Variants in PAM observed in about 807,000 individuals in gnomAD.
PAM encodes the protein peptidyl-glycine alpha-amidating monooxygenase.
A neutral mutation model predicts 122.1 loss-of-function variants in PAM; 72 were observed. The ratio of observed to expected loss-of-function variants is 0.59; its 90% CI spans 0.49 to 0.72. The LOEUF is 0.72. PAM is among the 30% of genes least tolerant of loss of function. The probability of loss-of-function intolerance (pLI) is 0.00; values close to 1 mark genes in which losing one functional copy is unlikely to be tolerated. For synonymous variants in PAM, 389 were observed against 404.4 expected (o/e 0.96, Z 0.46); for missense variants, 1,106 against 1,183.7 (o/e 0.93, Z 0.96).
chr5:102,779,923 A>ACACACACG (rs1758258484), intron 1 of PAM, among the ~76,000 whole-genome samples: 1 of 138,998 alleles, frequency 7.2e-6, no homozygotes, highest in Non-Finnish European at 1.6e-5. Flanking sequence ...ATATATACAC[A>ACACACACG]CATATATATA....
rs773893607 is a variant in PAM, at chr5:102,974,100, TCTC to T, written c.1163-15_1163-13del. 6 of 1,598,202 alleles carry T rather than the reference TCTC, an allele frequency of 3.8e-6. No individual in the cohort carries two copies. In the African/African-American group the frequency reaches 8.1e-5, roughly 21 times the overall value. On this transcript the variant is annotated splice_polypyrimidine_tract_variant and intron_variant, in intron 14 of 25. Transcript: ENST00000438793. The stretch of plus-strand genomic sequence containing the variant: ...ATCTACCCTCCACGCCCTTATCTCT[TCTC>T]TTTTTTCCACAGGTGATTTCTATTC...
At chr5:102,950,144 G>T (rs1460016858) in intron 11 of PAM, among the ~76,000 whole-genome samples, 166 bp downstream of exon 11, 1 of 152,012 alleles carries the variant, frequency 6.6e-6, no homozygotes, top group African/African-American at 2.4e-5. Flanking sequence ...CCAATTTGTT[G>T]CTTTCTTTGT....
intron 1 of PAM, among the ~76,000 whole-genome samples, chr5:102,760,474 A>G (rs894810351): frequency 1.3e-5 from 2 of 152,232 alleles, no homozygotes; most frequent in African/African-American, 2.4e-5. Flanking sequence ...CACTAGCCAC[A>G]TTGTCTGTTT....
At chr5:103,012,855 C>CAAAA (rs777801743) in intron 21 of PAM, among the ~76,000 whole-genome samples, 9 of 100,518 alleles carry the variant, frequency 9.0e-5, no homozygotes, top group South Asian at 3.6e-4. Context: ...GACTCTGCCT[C>CAAAA]AAAAAAAAAA....
chr5:102,756,596 T>C (rs1750403202), intron 1 of PAM, among the ~76,000 whole-genome samples: 1 of 152,186 alleles, frequency 6.6e-6, no homozygotes, highest in African/African-American at 2.4e-5. Context: ...GTTTGTAAAT[T>C]TTCAGTTTAT....
chr5:102,823,184 G>A (rs907867594), intron 1 of PAM, among the ~76,000 whole-genome samples: 8 of 152,150 alleles, frequency 5.3e-5, no homozygotes, highest in Admixed American at 3.9e-4. Context: ...TCAGGCTTTA[G>A]CTAACACTTC....
intron 15 of PAM, among the ~76,000 whole-genome samples, chr5:102,976,639 G>A (rs1767775836): frequency 1.3e-5 from 2 of 152,274 alleles, no homozygotes; most frequent in Non-Finnish European, 2.9e-5. Flanking sequence ...TGTATTTGCT[G>A]CATAGAAGAA....
chr5:102,876,307 C>T (rs1475509530), intron 3 of PAM, among the ~76,000 whole-genome samples: 1 of 152,154 alleles, frequency 6.6e-6, no homozygotes, highest in Non-Finnish European at 1.5e-5. Flanking sequence ...TAATATCCCT[C>T]CTAACTGACC....
chr5:102,867,812 C>T (rs959858915), intron 3 of PAM, among the ~76,000 whole-genome samples: 34 of 152,094 alleles, frequency 2.2e-4, no homozygotes, highest in African/African-American at 8.0e-4. Context: ...GAAATAAAAA[C>T]GTGTTTACTG....
At chr5:102,793,546 C>A (rs1249129961) in intron 1 of PAM, among the ~76,000 whole-genome samples, 2 of 151,968 alleles carry the variant, frequency 1.3e-5, no homozygotes, top group African/African-American at 4.8e-5. Context: ...AAACAACAAC[C>A]AAAGACACTT....
At chr5:102,873,289 A>G (rs1165472253) in intron 3 of PAM, 1 of 152,184 alleles carries the variant, frequency 6.6e-6, no homozygotes, top group African/African-American at 2.4e-5. Flanking sequence ...GTTTCCCCTC[A>G]TAGGCTAGCT....
intron 7 of PAM, among the ~76,000 whole-genome samples, chr5:102,927,009 G>A (rs1177058799): frequency 6.6e-6 from 1 of 151,938 alleles, no homozygotes; most frequent in Admixed American, 6.6e-5. Context: ...GAAGGTACTG[G>A]TTGTTTATAT....
At chr5:102,997,183 TTACATTG>T (rs1174528224) in intron 16 of PAM, among the ~76,000 whole-genome samples, 1 of 152,208 alleles carries the variant, frequency 6.6e-6, no homozygotes, top group Non-Finnish European at 1.5e-5. Context: ...TAATTAGTTG[TTACATTG>T]TAACAAGATA....
chr5:102,866,295 G>A lies in PAM; in HGVS notation c.89+11G>A, dbSNP rs746260972. The A allele has an allele frequency of 2.3e-5, 36 of 1,558,524 alleles. 1 individual carries two copies. Among genetic ancestry groups the A allele is most frequent in the South Asian group, 1.2e-4 (11 of 89,920 alleles). On this transcript the variant is annotated intron_variant, in intron 2 of 25. Coordinates refer to ENST00000438793, the MANE Select transcript of PAM (RefSeq NM_001177306.2). ...TTCTGTCTTTAAGAGGTGGGTGTTC[G>A]TTGTTCGGGTGCTTTCTGTGCATGC...
At chr5:102,997,005 TTG>T (rs1238659278) in intron 16 of PAM, among the ~76,000 whole-genome samples, 1 of 152,112 alleles carries the variant, frequency 6.6e-6, no homozygotes, top group Admixed American at 6.6e-5. Flanking sequence ...ATTCTAGAAT[TTG>T]TGTTATCACT....
intron 1 of PAM, among the ~76,000 whole-genome samples, chr5:102,857,136 A>C (rs1581002859): frequency 6.6e-6 from 1 of 152,180 alleles, no homozygotes; most frequent in East Asian, 1.9e-4. Flanking sequence ...AAAAAATAGA[A>C]AGGGCAAAAA....
chr5:102,935,521 T>G (rs886285612), intron 7 of PAM, among the ~76,000 whole-genome samples: 1 of 152,140 alleles, frequency 6.6e-6, no homozygotes. Flanking sequence ...TAGGTAACCA[T>G]GTATTGCTAC....
At chr5:103,016,170 G>GA (rs1388009406) in intron 21 of PAM, among the ~76,000 whole-genome samples, 2 of 151,804 alleles carry the variant, frequency 1.3e-5, no homozygotes, top group Non-Finnish European at 2.9e-5. Flanking sequence ...TTGAAAGTAT[G>GA]AAAAAAAATG....
chr5:102,779,236 G>A (rs1757957985), intron 1 of PAM, among the ~76,000 whole-genome samples: 1 of 148,462 alleles, frequency 6.7e-6, no homozygotes, highest in African/African-American at 2.5e-5. Flanking sequence ...GTATATATAT[G>A]TGTATATATA....
Sources: allele counts gnomAD v4.1 joint callset (sites outside exome capture counted in the v4.1 genomes callset), GRCh38; gene constraint gnomAD v4.1.1; transcripts MANE v1.5; gene names NCBI Gene and HGNC (gene_info 2026-07-23, HGNC 2026-07-21).